The following DCAF6 variants were observed in gnomAD, a reference collection of about 807,000 sequenced individuals.
DCAF6 encodes DDB1 and CUL4 associated factor 6, also known as DDB1- and CUL4-associated factor 6.
A neutral mutation model predicts 125.1 loss-of-function variants in DCAF6; 54 were observed. The observed-to-expected ratio is 0.43, with a 90% CI of 0.35 to 0.54. DCAF6 has a LOEUF of 0.54. DCAF6 is among the 20% of genes least tolerant of loss of function. The pLI is 0.01. For synonymous variants in DCAF6, 371 were observed against 390.4 expected, an observed-to-expected ratio of 0.95 and a Z score of 0.58; for missense variants, 934 against 1,161.7, an observed-to-expected ratio of 0.80 and a Z score of 2.85.
intron 10 of DCAF6, 105 bp from the exon 11 acceptor site, chr1:168,015,676 C>T: frequency 1.0e-6 from 1 of 995,842 alleles, no homozygotes; most frequent in Non-Finnish European, 1.4e-6. Context: ...CTCTATGAGA[C>T]ATGTGTTTTG....
chr1:167,950,173 C>A (rs1258365748), intron 1 of DCAF6, among the ~76,000 whole-genome samples: 1 of 151,790 alleles, frequency 6.6e-6, no homozygotes, highest in Admixed American at 6.6e-5. Flanking sequence ...AAAATTTTGA[C>A]AAAGTTTCCA....
Position 168,038,362 on chromosome 1 carries a change from A to G in DCAF6, c.1610-9A>G. On this transcript the variant is annotated splice_polypyrimidine_tract_variant and intron_variant, in intron 12 of 21. Coordinates refer to ENST00000367840, the MANE Select transcript of DCAF6 (RefSeq NM_001198956.2). ...AGACTTTTTCAAATGTTTTAAACAC[A>G]ATTTTCAGATAACAATAATGAAAAG... 2 of 1,595,042 alleles carry G rather than the reference A, an allele frequency of 1.3e-6. No individual in the cohort carries two copies. The highest frequency in any genetic ancestry group is 1.7e-6 in the Non-Finnish European group (2 of 1,170,258).
chr1:167,900,809 G>A, the DCAF6 span, among the ~76,000 whole-genome samples: 1 of 152,182 alleles, frequency 6.6e-6, no homozygotes, highest in Non-Finnish European at 1.5e-5. Context: ...TGGGATTACA[G>A]GTGTGAGCCA....
At chr1:167,921,721 T>G in the DCAF6 span, among the ~76,000 whole-genome samples, 1 of 149,688 alleles carries the variant, frequency 6.7e-6, no homozygotes, top group Non-Finnish European at 1.5e-5. Context: ...TAATAAATTG[T>G]TTTTTTTTAA....
intron 3 of DCAF6, among the ~76,000 whole-genome samples, chr1:167,967,084 A>T (rs1412721681): frequency 1.3e-5 from 2 of 152,202 alleles, no homozygotes; most frequent in African/African-American, 4.8e-5. Flanking sequence ...TTATCTTAAC[A>T]TTCTAAAAAG....
the DCAF6 span, among the ~76,000 whole-genome samples, chr1:167,891,355 G>A: frequency 1.3e-5 from 2 of 151,710 alleles, no homozygotes; most frequent in South Asian, 4.2e-4. Flanking sequence ...CAGGCACAGG[G>A]AAAATAAAGG....
chr1:168,017,478 C>T (rs1422621224), intron 11 of DCAF6, among the ~76,000 whole-genome samples: 1 of 151,998 alleles, frequency 6.6e-6, no homozygotes, highest in Non-Finnish European at 1.5e-5. Flanking sequence ...TCTTTTGTAA[C>T]TAGTTCACGG....
intron 8 of DCAF6, among the ~76,000 whole-genome samples, chr1:168,003,640 C>G (rs1484981579): frequency 6.6e-6 from 1 of 152,004 alleles, no homozygotes; most frequent in African/African-American, 2.4e-5. Context: ...GAGAGGTGAG[C>G]CCTGTTCTCA....
intron 5 of DCAF6, among the ~76,000 whole-genome samples, chr1:167,990,070 G>A (rs2103000988): frequency 6.6e-6 from 1 of 152,222 alleles, no homozygotes; most frequent in African/African-American, 2.4e-5. Context: ...AGCTGGTTAA[G>A]GAGAAAGGTT....
At chr1:167,866,169 G>C in the DCAF6 span, among the ~76,000 whole-genome samples, 1 of 152,204 alleles carries the variant, frequency 6.6e-6, no homozygotes, top group African/African-American at 2.4e-5. Flanking sequence ...AATAACTGGA[G>C]TGGCACTTAT....
At chr1:167,897,492 A>T in the DCAF6 span, among the ~76,000 whole-genome samples, 18 of 147,426 alleles carry the variant, frequency 1.2e-4, no homozygotes, top group East Asian at 3.6e-3. Context: ...GTAAGATTCC[A>T]TCTCAAAAAA....
chr1:167,869,260 C>T, the DCAF6 span, among the ~76,000 whole-genome samples: 1 of 152,166 alleles, frequency 6.6e-6, no homozygotes. Flanking sequence ...GCTGCCTGTA[C>T]TTCTTCAAAT....
the DCAF6 span, among the ~76,000 whole-genome samples, chr1:167,878,793 T>C: frequency 5.9e-5 from 9 of 152,240 alleles, no homozygotes; most frequent in Non-Finnish European, 4.4e-5. Context: ...ATTCAGCCAA[T>C]GGCTATTCAC....
the DCAF6 span, among the ~76,000 whole-genome samples, chr1:167,875,959 A>G: frequency 6.6e-6 from 1 of 151,506 alleles, no homozygotes; most frequent in Non-Finnish European, 1.5e-5. Flanking sequence ...TCTCAAAAAG[A>G]AAAAAAAGGA....
intron 1 of DCAF6, among the ~76,000 whole-genome samples, chr1:167,948,207 C>A (rs572590324): frequency 4.0e-5 from 6 of 149,672 alleles, no homozygotes; most frequent in Admixed American, 3.3e-4. Flanking sequence ...TTCACTTTGA[C>A]TTCAGACAGT....
the DCAF6 span, among the ~76,000 whole-genome samples, chr1:167,903,255 CAAAAAAAAAAA>C: frequency 7.0e-6 from 1 of 143,176 alleles, no homozygotes; most frequent in African/African-American, 2.6e-5. Context: ...GACTCTGACT[CAAAAAAAAAAA>C]TTAATAAATA....
chr1:167,874,712 C>T, the DCAF6 span, among the ~76,000 whole-genome samples: 1 of 152,248 alleles, frequency 6.6e-6, no homozygotes, highest in African/African-American at 2.4e-5. Context: ...CTGGAAATAA[C>T]CCAAATGTTG....
chr1:168,043,268 C>A (rs1388597813), intron 14 of DCAF6, 128 bp downstream of exon 14: 4 of 691,432 alleles, frequency 5.8e-6, no homozygotes, highest in African/African-American at 5.4e-5. Context: ...TATAGTCCAG[C>A]TGTTAAACTG....
At chr1:168,050,276 C>T (rs1054989367) in intron 16 of DCAF6, among the ~76,000 whole-genome samples, 3 of 152,112 alleles carry the variant, frequency 2.0e-5, no homozygotes, top group African/African-American at 7.2e-5. Flanking sequence ...GCATAGCCCT[C>T]ACTTTTAAAG....
Sources: gnomAD v4.1 joint callset for allele counts (sites outside exome capture counted in the v4.1 genomes callset) on GRCh38, gnomAD v4.1.1 for gene constraint, MANE v1.5 for transcripts, NCBI Gene and HGNC (gene_info 2026-07-23, HGNC 2026-07-21) for gene names.